Variants in ADAMTS17 observed in about 807,000 individuals in gnomAD.
ADAMTS17 encodes A disintegrin and metalloproteinase with thrombospondin motifs 17.
ADAMTS17 carries 113 observed loss-of-function variants against 141.5 expected under a neutral mutation model. That is an observed-to-expected ratio of 0.80 (90% CI 0.69 to 0.93). The LOEUF is 0.93. Among genes scored for constraint, ADAMTS17 ranks in the 40% least tolerant of loss-of-function variants. ADAMTS17 has a pLI of 0.00. For synonymous variants in ADAMTS17, 768 were observed against 630.6 expected (o/e 1.22, Z -3.27); for missense variants, 1,659 against 1,517.9 (o/e 1.09, Z -1.54).
chr15:100,023,149 G>A (rs1239828141), intron 18 of ADAMTS17, among the ~76,000 whole-genome samples: 1 of 152,088 alleles, frequency 6.6e-6, no homozygotes, highest in Non-Finnish European at 1.5e-5. Flanking sequence ...GTTGAACCAA[G>A]TTGTGTGATG....
intron 4 of ADAMTS17, among the ~76,000 whole-genome samples, chr15:100,266,613 C>CCCCCATCACCCT (rs1364097632): frequency 6.6e-6 from 1 of 152,184 alleles, no homozygotes; most frequent in Admixed American, 6.5e-5. Context: ...TCTCACTGTG[C>CCCCCATCACCCT]CCCCATCACC....
At chr15:100,199,507 G>T in intron 7 of ADAMTS17, 84 bp from the exon 8 acceptor site, 2 of 1,124,098 alleles carry the variant, frequency 1.8e-6, no homozygotes, top group South Asian at 1.2e-5. Flanking sequence ...TCAACGTCAT[G>T]CACAATCAAG....
At chr15:100,309,027 T>C (rs2045318863) in intron 3 of ADAMTS17, among the ~76,000 whole-genome samples, 1 of 152,232 alleles carries the variant, frequency 6.6e-6, no homozygotes, top group Non-Finnish European at 1.5e-5. Context: ...CTCAACAACA[T>C]GGTCCTCATT....
Position 100,261,556 on chromosome 15 carries a change from CGCTCCTCCAT to C in ADAMTS17, c.944_953del (p.Tyr315CysfsTer25). ...GAACCTGGTTATTGCCGAGGTATCG[CGCTCCTCCAT>C]ACTCCTCGTTCTGCCAGTGACAGAA... On this transcript the variant is annotated frameshift_variant, in exon 6 of 22. Coordinates refer to ENST00000268070, the MANE Select transcript of ADAMTS17 (RefSeq NM_139057.4). LOFTEE classifies it high-confidence loss of function. The C allele has an allele frequency of 6.2e-7, 1 of 1,614,140 alleles. No individual in the cohort carries two copies. The highest frequency in any genetic ancestry group is 8.5e-7 in the Non-Finnish European group (1 of 1,180,038).
intron 3 of ADAMTS17, among the ~76,000 whole-genome samples, chr15:100,301,628 G>A (rs541615717): frequency 7.9e-5 from 12 of 151,966 alleles, no homozygotes; most frequent in Admixed American, 7.9e-4. Flanking sequence ...ACCACGCCCA[G>A]CTTATGTAAG....
At chr15:100,106,228 C>CACCAGAACCCATCTAT (rs2036407415) in intron 14 of ADAMTS17, among the ~76,000 whole-genome samples, 1 of 152,186 alleles carries the variant, frequency 6.6e-6, no homozygotes, top group African/African-American at 2.4e-5. Context: ...AGTGGGCCTT[C>CACCAGAACCCATCTAT]ACCAGAACCC....
At chr15:100,323,799 C>A (rs936931386) in intron 3 of ADAMTS17, among the ~76,000 whole-genome samples, 10 of 152,052 alleles carry the variant, frequency 6.6e-5, no homozygotes, top group Non-Finnish European at 1.2e-4. Flanking sequence ...ATGCAAGCTG[C>A]ACAGCATAAA....
intron 12 of ADAMTS17, chr15:100,128,292 G>C (rs1247647230): frequency 6.6e-6 from 1 of 152,194 alleles, no homozygotes; most frequent in East Asian, 1.9e-4. Flanking sequence ...CAGAGTTCAG[G>C]CCCTGGCAAG....
chr15:100,274,828 G>A (rs1040083915), intron 4 of ADAMTS17, among the ~76,000 whole-genome samples: 1 of 147,112 alleles, frequency 6.8e-6, no homozygotes, highest in African/African-American at 2.5e-5. Flanking sequence ...TTTTTTGGTA[G>A]TGAAACTTTT....
chr15:100,239,749 G>A (rs984934210), intron 7 of ADAMTS17, among the ~76,000 whole-genome samples: 4 of 152,196 alleles, frequency 2.6e-5, no homozygotes, highest in Admixed American at 1.3e-4. Context: ...GTGTGGCCAG[G>A]AGGAAGGTGG....
chr15:100,048,829 G>A, intron 18 of ADAMTS17, 28 bp downstream of exon 18: 1 of 1,614,088 alleles, frequency 6.2e-7, no homozygotes, highest in South Asian at 1.1e-5. Context: ...ACTCTGGTGG[G>A]TCCAAGCTAC....
At chr15:100,281,158 C>T in intron 4 of ADAMTS17, 71 bp downstream of exon 4, 1 of 1,589,656 alleles carries the variant, frequency 6.3e-7, no homozygotes, top group Non-Finnish European at 8.5e-7. Context: ...GAGGACACAG[C>T]ACCTGCTTCC....
chr15:100,073,163 T>A (rs1269831415), intron 15 of ADAMTS17, among the ~76,000 whole-genome samples: 1 of 152,096 alleles, frequency 6.6e-6, no homozygotes, highest in Non-Finnish European at 1.5e-5. Context: ...CGTGAAAAAA[T>A]GCTCACCATC....
intron 12 of ADAMTS17, among the ~76,000 whole-genome samples, chr15:100,123,970 C>CT (rs11430256): frequency 0.19 from 28,375 of 146,100 alleles, 2,855 homozygotes; most frequent in African/African-American, 0.26. Context: ...TGTTCTAGGA[C>CT]TTTTTTTTTT....
chr15:100,200,020 G>A (rs150653154), intron 7 of ADAMTS17, among the ~76,000 whole-genome samples: 91 of 152,350 alleles, frequency 6.0e-4, no homozygotes, highest in African/African-American at 1.9e-3. Flanking sequence ...AAATGCTTCA[G>A]GAGCCCTTGA....
rs1395087708 is a variant in ADAMTS17, at chr15:100,341,159, C to T, written c.330G>A (p.Glu110=). 6.8e-7 allele frequency: 1 copy of T among 1,462,876 alleles called. No homozygotes were observed. Among genetic ancestry groups the T allele is most frequent in the East Asian group, 3.0e-5 (1 of 33,186 alleles). 90.6% of individuals were successfully genotyped at this position (1,462,876 alleles called of 1,614,324 possible). Residue 110 remains glutamate (E), a synonymous_variant, in exon 2 of 22, where the codon GAG becomes GAA. Coordinates refer to ENST00000268070, the MANE Select transcript of ADAMTS17 (RefSeq NM_139057.4). ...CGCGGCGCCGGGCCGCGCCCGCCTCCTCCACCTCGAAGCCTCGGGACAGGA... is the reference window on the plus strand; with the variant it reads ...CGCGGCGCCGGGCCGCGCCCGCCTCTTCCACCTCGAAGCCTCGGGACAGGA... ...LRFLSRGFEV[E]EAGAARRRGR... is the part of the protein sequence containing the mutation.
chr15:100,112,757 G>A (rs2036866275), intron 13 of ADAMTS17, among the ~76,000 whole-genome samples: 2 of 152,134 alleles, frequency 1.3e-5, no homozygotes, highest in African/African-American at 4.8e-5. Flanking sequence ...GCAAAGCCTG[G>A]GGCCGGTCTG....
chr15:100,117,836 TC>T (rs1273384133), intron 12 of ADAMTS17, among the ~76,000 whole-genome samples: 2 of 152,158 alleles, frequency 1.3e-5, no homozygotes, highest in Non-Finnish European at 2.9e-5. Flanking sequence ...CTCCCACCCC[TC>T]GCACTTTTTA....
chr15:100,334,722 C>T (rs1015839928), intron 2 of ADAMTS17, among the ~76,000 whole-genome samples: 4 of 152,326 alleles, frequency 2.6e-5, no homozygotes, highest in Middle Eastern at 3.4e-3. Flanking sequence ...CCGGTCCCGC[C>T]GCCTCCTCGA....
Sources: allele counts gnomAD v4.1 joint callset (sites outside exome capture counted in the v4.1 genomes callset), GRCh38; gene constraint gnomAD v4.1.1; transcripts MANE v1.5; gene names NCBI Gene and HGNC (gene_info 2026-07-23, HGNC 2026-07-21).